ZBTB48: variants seen among roughly 807,000 people sequenced by gnomAD.
ZBTB48 encodes the protein zinc finger and BTB domain-containing protein 48.
A neutral mutation model predicts 64.5 loss-of-function variants in ZBTB48; 35 were observed. The observed-to-expected ratio is 0.54, with a 90% CI of 0.41 to 0.72. ZBTB48 has a LOEUF of 0.72. ZBTB48 is among the 30% of genes least tolerant of loss of function. ZBTB48 has a pLI of 0.00. For synonymous variants in ZBTB48, 442 were observed against 356.7 expected (o/e 1.24, Z -2.70); for missense variants, 828 against 895.3 (o/e 0.92, Z 0.96).
intron 3 of ZBTB48, among the ~76,000 whole-genome samples, chr1:6,582,990 T>G (rs953265010): frequency 1.3e-5 from 2 of 150,710 alleles, no homozygotes; most frequent in East Asian, 2.0e-4. Flanking sequence ...ATTTTATGTT[T>G]TTTGTTTGTT....
At position 6,581,645 on chromosome 1, in the gene ZBTB48, CAG is replaced by C. The variant is rs1356922092; in HGVS notation, c.690+349_690+350del. ...TGCCACTACCCTCCAGCCTAGGCGA[CAG>C]AGCAAGATCCTGTCTCAAAAAAAAA... On this transcript the variant is annotated intron_variant, in intron 2 of 10. Coordinates refer to ENST00000377674, the MANE Select transcript of ZBTB48 (RefSeq NM_005341.4). Among the ~76,000 whole-genome samples, 109 of 147,620 alleles carry C rather than the reference CAG, an allele frequency of 7.4e-4. 1 individual carries two copies. The highest frequency in any genetic ancestry group is 7.3e-3 in the Admixed American group (108 of 14,790).
intron 5 of ZBTB48, 164 bp from the exon 6 acceptor site, chr1:6,587,041 C>T: frequency 1.1e-6 from 1 of 895,688 alleles, no homozygotes; most frequent in Non-Finnish European, 1.8e-6. Flanking sequence ...GGCAGCTGAG[C>T]CCTGAGGGCC....
intron 3 of ZBTB48, among the ~76,000 whole-genome samples, chr1:6,583,570 A>T (rs971238912): frequency 4.0e-5 from 6 of 149,580 alleles, no homozygotes; most frequent in African/African-American, 1.5e-4. Flanking sequence ...AAGTGCTGGG[A>T]CTACAGGCAT....
chr1:6,588,501 GGAGGAAAC>G, intron 9 of ZBTB48, 59 bp downstream of exon 9: 1 of 1,459,636 alleles, frequency 6.9e-7, no homozygotes, highest in Non-Finnish European at 9.0e-7. Flanking sequence ...GGGTCTCTGA[GGAGGAAAC>G]GCTCCTTTCT....
In ZBTB48 at chr1:6,588,398, AG is replaced by A. The variant is rs1206145902; in HGVS notation, c.1640del (p.Gly547AlafsTer29). ...AGGCACGTGGCCAGCCGCCATCAGG[AG>A]GGCCGGCCCCACTTCTGCCAGATAT... ...LLRHVASRHQ[E>X]GRPHFCQICG... On this transcript the variant is annotated frameshift_variant, in exon 9 of 11. Transcript: ENST00000377674. LOFTEE classifies it high-confidence loss of function. 6.3e-7 allele frequency: 1 copy of A among 1,580,944 alleles called. No individual in the cohort carries two copies. The highest frequency in any genetic ancestry group is 1.1e-5 in the South Asian group (1 of 88,202).
chr1:6,583,890 C>G (rs751772326), intron 3 of ZBTB48, among the ~76,000 whole-genome samples: 19 of 151,288 alleles, frequency 1.3e-4, no homozygotes, highest in Non-Finnish European at 2.2e-4. Context: ...AGCGATTCTC[C>G]TGCCTCAGCC....
chr1:6,585,008 A>G lies in ZBTB48; in HGVS notation c.933-911A>G, dbSNP rs532143606. Among the ~76,000 whole-genome samples the G allele has an allele frequency of 4.6e-5, 7 of 152,304 alleles. No individual in the cohort carries two copies. The East Asian group carries it at 1.4e-3, about 29-fold the overall frequency. On this transcript the variant is annotated intron_variant, in intron 3 of 10. Transcript: ENST00000377674. Reference sequence around the variant, plus strand: ...CTGCTTGCCAGGCAATGCAGATAACAGATAAGTCCATCTGCCTGCAGTAGA... The same window carrying G: ...CTGCTTGCCAGGCAATGCAGATAACGGATAAGTCCATCTGCCTGCAGTAGA...
At position 6,589,257 on chromosome 1, in the gene ZBTB48, A is replaced by C; in HGVS notation, c.*45A>C. On this transcript the variant is annotated 3_prime_UTR_variant, in exon 11 of 11. Transcript: ENST00000377674. ...CCCACTTGGCCCCACCCCTCAATAA[A>C]CCGTGTGGCTTTGGACTCTCGTATT... 1 of 1,469,738 alleles carries C rather than the reference A, an allele frequency of 6.8e-7. No individual in the cohort carries two copies. The highest frequency in any genetic ancestry group is 9.0e-7 in the Non-Finnish European group (1 of 1,116,262). 91.0% of individuals were successfully genotyped at this position (1,469,738 alleles called of 1,614,324 possible). A position where few individuals can be genotyped will look rare whatever the true frequency, so the allele number is the denominator to read the frequency against.
intron 7 of ZBTB48, 32 bp from the exon 8 acceptor site, chr1:6,588,028 A>G (rs766978074): frequency 6.8e-6 from 11 of 1,612,758 alleles, no homozygotes; most frequent in Admixed American, 5.0e-5. Flanking sequence ...TCCCTTGGTG[A>G]TGGCCTCTGC....
At chr1:6,586,561 C>T in intron 4 of ZBTB48, 134 bp from the exon 5 acceptor site, 4 of 1,419,676 alleles carry the variant, frequency 2.8e-6, no homozygotes, top group Non-Finnish European at 3.7e-6. Flanking sequence ...TTATGTGTTG[C>T]CCTCTCCCAC....
At position 6,585,953 on chromosome 1, in the gene ZBTB48, A is replaced by C; in HGVS notation, c.967A>C (p.Lys323Gln). The change falls in exon 4 of 11, where the codon AAA becomes CAA. Residue 323 changes from lysine to glutamine, a missense_variant. Coordinates refer to ENST00000377674, the MANE Select transcript of ZBTB48 (RefSeq NM_005341.4). Reference protein sequence around the residue: ...HTGEKPFECPKCGKCYFRKEN... With the variant: ...HTGEKPFECPQCGKCYFRKEN... ...TGGGGAGAAACCCTTTGAGTGTCCC[A>C]AATGTGGGAAGTGTTACTTTCGGAA... is the stretch of plus-strand genomic sequence containing the variant. The C allele has an allele frequency of 1.2e-6, 2 of 1,614,080 alleles. No homozygotes were observed. Among genetic ancestry groups the C allele is most frequent in the Non-Finnish European group, 1.7e-6 (2 of 1,179,972 alleles).
At chr1:6,587,922 T>C in intron 7 of ZBTB48, 138 bp from the exon 8 acceptor site, 2 of 1,262,846 alleles carry the variant, frequency 1.6e-6, no homozygotes, top group Non-Finnish European at 2.2e-6. Context: ...ATTGTCCTTC[T>C]GCTCTCGGGG....
In ZBTB48 at chr1:6,586,048, CA is replaced by C. The variant is rs768545262; in HGVS notation, c.1044+19del. The C allele has an allele frequency of 1.5e-5, 25 of 1,613,282 alleles. No homozygotes were observed. The African/African-American group carries it at 3.3e-4, about 22-fold the overall frequency. On this transcript the variant is annotated intron_variant, in intron 4 of 10. Coordinates refer to ENST00000377674, the MANE Select transcript of ZBTB48 (RefSeq NM_005341.4). ...CGGAACAGGTACTTGGGAGCTGGCC[CA>C]GGTACTTGTGGGCAGGGCACACTGG...
At position 6,580,800 on chromosome 1, in the gene ZBTB48, T is replaced by C. The variant is rs1236697399; in HGVS notation, c.191T>C (p.Val64Ala). The change falls in exon 2 of 11, where the codon GTC becomes GCC. Residue 64 changes from valine to alanine, a missense_variant. By Grantham distance (64) the Val-to-Ala change is moderately conservative (BLOSUM62 0). Coordinates refer to ENST00000377674, the MANE Select transcript of ZBTB48 (RefSeq NM_005341.4). The surrounding 1 kb of genome is among the most constrained non-coding windows in gnomAD (Gnocchi z 5.2). Reference sequence around the variant, plus strand: ...GGGGATGGCTCAGGGGGCAGTGTCGTCCTCCCTGCTGGCTTCGCTGAGATC... The same window carrying C: ...GGGGATGGCTCAGGGGGCAGTGTCGCCCTCCCTGCTGGCTTCGCTGAGATC... ...LYGDGSGGSV[V>A]LPAGFAEIFG... 9.3e-6 allele frequency: 15 copies of C among 1,614,076 alleles called. No homozygotes were observed. Among genetic ancestry groups the C allele is most frequent in the Non-Finnish European group, 1.3e-5 (15 of 1,180,048 alleles).
intron 3 of ZBTB48, among the ~76,000 whole-genome samples, chr1:6,583,655 C>T (rs571260824): frequency 6.7e-6 from 1 of 149,096 alleles, no homozygotes; most frequent in South Asian, 2.1e-4. Context: ...GGTTGGAGTG[C>T]AGTGGCATGA....
intron 2 of ZBTB48, among the ~76,000 whole-genome samples, chr1:6,581,677 A>T (rs1640471897): frequency 6.6e-6 from 1 of 152,026 alleles, no homozygotes; most frequent in Non-Finnish European, 1.5e-5. Flanking sequence ...AAAAAAAAAA[A>T]AATATGTGGA....
intron 2 of ZBTB48, 98 bp downstream of exon 2, chr1:6,581,397 C>A: frequency 1.5e-6 from 2 of 1,330,698 alleles, no homozygotes; most frequent in Non-Finnish European, 2.0e-6. Flanking sequence ...ATGGCTCACT[C>A]ACGCCTGTAA....
chr1:6,586,031 G>A lies in ZBTB48; in HGVS notation c.1044+1G>A. The stretch of plus-strand genomic sequence containing the variant: ...GAATTGCATGAACCGCTCGGAACAG[G>A]TACTTGGGAGCTGGCCCAGGTACTT... On this transcript the variant is annotated splice_donor_variant, in intron 4 of 10. Transcript: ENST00000377674. LOFTEE classifies it high-confidence loss of function. 1 of 1,614,086 alleles carries A rather than the reference G, an allele frequency of 6.2e-7. No individual in the cohort carries two copies. The highest frequency in any genetic ancestry group is 8.5e-7 in the Non-Finnish European group (1 of 1,179,942).
intron 3 of ZBTB48, among the ~76,000 whole-genome samples, chr1:6,582,582 T>C (rs1640511469): frequency 6.6e-6 from 1 of 152,230 alleles, no homozygotes; most frequent in Admixed American, 6.5e-5. Flanking sequence ...AGCTGGTCTC[T>C]GCTAACAGAA....
Sources: allele counts gnomAD v4.1 joint callset (sites outside exome capture counted in the v4.1 genomes callset), GRCh38; gene constraint gnomAD v4.1.1; non-coding constraint Gnocchi (gnomAD v3.1); transcripts MANE v1.5; gene names NCBI Gene and HGNC (gene_info 2026-07-23, HGNC 2026-07-21).